The following SPON1 variants were observed in gnomAD, a reference collection of about 807,000 sequenced individuals.
SPON1 encodes the protein spondin 1.
A neutral mutation model predicts 111.7 loss-of-function variants in SPON1; 52 were observed. The observed-to-expected ratio is 0.47, with a 90% confidence interval of 0.37 to 0.59. SPON1 has a LOEUF of 0.59. SPON1 is among the 20% of genes least tolerant of loss of function. The pLI, the probability that SPON1 is intolerant of heterozygous loss-of-function variation, is 0.00. For synonymous variants in SPON1, 410 were observed against 395.8 expected (o/e 1.04, Z -0.43); for missense variants, 957 against 1,068.5 (o/e 0.90, Z 1.46).
chr11:14,143,152 G>A (rs1295793959), intron 6 of SPON1, among the ~76,000 whole-genome samples: 2 of 152,172 alleles, frequency 1.3e-5, no homozygotes, highest in African/African-American at 4.8e-5. Flanking sequence ...CTGGGCAATG[G>A]TGCCCCCTGC....
At chr11:14,116,010 A>G (rs1253349142) in intron 5 of SPON1, among the ~76,000 whole-genome samples, 9 of 152,098 alleles carry the variant, frequency 5.9e-5, no homozygotes, top group African/African-American at 2.2e-4. Flanking sequence ...AATTTTGCCT[A>G]GTGTGTTGTC....
intron 6 of SPON1, among the ~76,000 whole-genome samples, chr11:14,168,296 A>G (rs1848054934): frequency 2.6e-5 from 4 of 152,184 alleles, no homozygotes; most frequent in Admixed American, 6.5e-5. Flanking sequence ...ATTTTATTTT[A>G]CCAATAATCC....
chr11:13,964,307 G>C (rs1847998962), intron 1 of SPON1, among the ~76,000 whole-genome samples: 1 of 152,208 alleles, frequency 6.6e-6, no homozygotes, highest in Non-Finnish European at 1.5e-5. Context: ...AGGGATGAGC[G>C]GGTCACTGGG....
intron 2 of SPON1, among the ~76,000 whole-genome samples, chr11:14,034,394 TG>T (rs1373567479): frequency 2.0e-5 from 3 of 152,086 alleles, no homozygotes; most frequent in Non-Finnish European, 4.4e-5. Flanking sequence ...AGATGACGAG[TG>T]TGGAGACGTT....
chr11:14,034,715 A>T (rs1466879022), intron 2 of SPON1, among the ~76,000 whole-genome samples: 1 of 152,124 alleles, frequency 6.6e-6, no homozygotes, highest in Non-Finnish European at 1.5e-5. Flanking sequence ...TTGGCTTCAG[A>T]CAACCCTGGG....
chr11:14,206,935 C>G (rs1848523630), intron 6 of SPON1, among the ~76,000 whole-genome samples: 1 of 152,116 alleles, frequency 6.6e-6, no homozygotes, highest in African/African-American at 2.4e-5. Context: ...AAAGGCAATT[C>G]TAAGCAAAAA....
At chr11:14,182,776 AAC>A (rs574734102) in intron 6 of SPON1, among the ~76,000 whole-genome samples, 30 of 152,214 alleles carry the variant, frequency 2.0e-4, no homozygotes, top group Non-Finnish European at 3.2e-4. Context: ...CTGCCAGGTC[AAC>A]ACACTCCAGC....
intron 5 of SPON1, among the ~76,000 whole-genome samples, chr11:14,109,453 C>A (rs1554925229): frequency 1.3e-5 from 2 of 152,176 alleles, no homozygotes; most frequent in Non-Finnish European, 2.9e-5. Context: ...AACATAAACA[C>A]AGCTTAAAAT....
intron 6 of SPON1, among the ~76,000 whole-genome samples, chr11:14,206,009 CT>C (rs111734200): frequency 0.017 from 2,634 of 152,240 alleles, 76 homozygotes; most frequent in African/African-American, 0.06. Context: ...AAACTCACCC[CT>C]AACCCCAGCC....
At chr11:14,075,188 CA>C (rs1474215370) in intron 3 of SPON1, among the ~76,000 whole-genome samples, 156 bp from the exon 4 acceptor site, 2 of 152,062 alleles carry the variant, frequency 1.3e-5, no homozygotes, top group Non-Finnish European at 2.9e-5. Flanking sequence ...CCCCATAAAG[CA>C]GGTATTGCTG....
chr11:14,162,221 C>T (rs1184457082), intron 6 of SPON1, among the ~76,000 whole-genome samples: 1 of 148,896 alleles, frequency 6.7e-6, no homozygotes, highest in Non-Finnish European at 1.5e-5. Context: ...AATATGAACA[C>T]TAACCCATGT....
chr11:13,979,167 C>T (rs1254882494), intron 1 of SPON1, among the ~76,000 whole-genome samples: 22 of 152,166 alleles, frequency 1.4e-4, no homozygotes, highest in African/African-American at 4.8e-4. Flanking sequence ...CCATGCCTCT[C>T]GCCTGGCTTC....
chr11:14,214,833 C>T (rs1364871052), intron 6 of SPON1, among the ~76,000 whole-genome samples: 1 of 152,108 alleles, frequency 6.6e-6, no homozygotes, highest in Non-Finnish European at 1.5e-5. Flanking sequence ...ACAAACTCCC[C>T]CTGTGAGAGA....
intron 6 of SPON1, among the ~76,000 whole-genome samples, chr11:14,161,962 T>C (rs931090016): frequency 1.1e-4 from 16 of 151,934 alleles, no homozygotes; most frequent in Admixed American, 2.0e-4. Flanking sequence ...GAGACCAGCC[T>C]GGCTAACATG....
At chr11:14,141,843 G>A (rs1847660235) in intron 6 of SPON1, among the ~76,000 whole-genome samples, 1 of 151,896 alleles carries the variant, frequency 6.6e-6, no homozygotes. Flanking sequence ...TGTTCTCTAT[G>A]ATTCATGACA....
intron 2 of SPON1, among the ~76,000 whole-genome samples, chr11:14,021,508 G>T (rs1386964970): frequency 2.0e-5 from 3 of 152,104 alleles, no homozygotes; most frequent in African/African-American, 7.2e-5. Context: ...GGAAGAAGAG[G>T]GAAAACAAGC....
At chr11:14,250,973 T>C (rs782518902) in intron 7 of SPON1, among the ~76,000 whole-genome samples, 3 of 152,122 alleles carry the variant, frequency 2.0e-5, no homozygotes, top group Non-Finnish European at 2.9e-5. Flanking sequence ...AAGCCAGACA[T>C]TGGGATATAG....
At chr11:14,142,623 G>C (rs1014359650) in intron 6 of SPON1, among the ~76,000 whole-genome samples, 3 of 152,210 alleles carry the variant, frequency 2.0e-5, no homozygotes, top group African/African-American at 7.2e-5. Flanking sequence ...GCTGGAGCTA[G>C]TTCGATGCCA....
At chr11:14,159,400 G>A (rs1554930700) in intron 6 of SPON1, among the ~76,000 whole-genome samples, 2 of 152,082 alleles carry the variant, frequency 1.3e-5, no homozygotes, top group Non-Finnish European at 2.9e-5. Context: ...TTGAGGATGT[G>A]GAGAAAAGGG....
Sources: gnomAD v4.1 joint callset for allele counts (sites outside exome capture counted in the v4.1 genomes callset) on GRCh38, gnomAD v4.1.1 for gene constraint, MANE v1.5 for transcripts, NCBI Gene and HGNC (gene_info 2026-07-23, HGNC 2026-07-21) for gene names.